The following CTNNA2 variants were observed in gnomAD, a reference collection of about 807,000 sequenced individuals.
CTNNA2 encodes the protein catenin alpha 2.
A neutral mutation model predicts 101.0 loss-of-function variants in CTNNA2; 42 were observed. That is an observed-to-expected ratio of 0.42 (90% CI 0.32 to 0.54). CTNNA2 has a LOEUF of 0.54. CTNNA2 is among the 20% of genes least tolerant of loss of function. The pLI, the probability that CTNNA2 is intolerant of heterozygous loss-of-function variation, is 0.14. For synonymous variants in CTNNA2, 450 were observed against 456.4 expected (o/e 0.99, Z 0.18); for missense variants, 871 against 1,223.1 (o/e 0.71, Z 4.29).
intron 8 of CTNNA2, among the ~76,000 whole-genome samples, chr2:80,413,645 A>G (rs948726551): frequency 6.6e-6 from 1 of 152,212 alleles, no homozygotes; most frequent in Non-Finnish European, 1.5e-5. Flanking sequence ...GCCAGACTTA[A>G]TGAAGCTCAC....
chr2:79,902,872 G>T (rs764321288), intron 6 of CTNNA2, among the ~76,000 whole-genome samples: 6 of 152,086 alleles, frequency 3.9e-5, no homozygotes, highest in Non-Finnish European at 8.8e-5. Flanking sequence ...TGATCTGCCT[G>T]CCTCAGCCTC....
intron 2 of CTNNA2, among the ~76,000 whole-genome samples, chr2:79,251,013 A>G (rs140533178): frequency 4.3e-4 from 65 of 152,304 alleles, no homozygotes; most frequent in African/African-American, 1.5e-3. Flanking sequence ...AGATCAAAGT[A>G]CTATGTCTCC....
chr2:79,822,409 C>A (rs998546711), intron 3 of CTNNA2, among the ~76,000 whole-genome samples: 1 of 152,080 alleles, frequency 6.6e-6, no homozygotes, highest in Non-Finnish European at 1.5e-5. Context: ...TTTCTGTAAA[C>A]AAATATGAAT....
chr2:79,215,097 G>T (rs1674233052), intron 2 of CTNNA2, among the ~76,000 whole-genome samples: 1 of 152,110 alleles, frequency 6.6e-6, no homozygotes, highest in Admixed American at 6.6e-5. Flanking sequence ...AAGCTGAGAA[G>T]ATCTGGGAAG....
intron 11 of CTNNA2, among the ~76,000 whole-genome samples, chr2:80,552,131 A>G (rs1395877248): frequency 6.6e-6 from 1 of 152,210 alleles, no homozygotes; most frequent in African/African-American, 2.4e-5. Context: ...ATGGTTCCTG[A>G]TGCCCCAAAA....
intron 9 of CTNNA2, among the ~76,000 whole-genome samples, chr2:80,440,897 T>C (rs150339229): frequency 1.6e-4 from 25 of 152,294 alleles, no homozygotes; most frequent in African/African-American, 5.1e-4. Flanking sequence ...TTAATTTTTC[T>C]TCATAACTTT....
At chr2:79,660,835 A>G (rs1457908227) in intron 2 of CTNNA2, among the ~76,000 whole-genome samples, 2 of 152,172 alleles carry the variant, frequency 1.3e-5, no homozygotes, top group Non-Finnish European at 2.9e-5. Flanking sequence ...TAAAATAAGG[A>G]AAAAAGGGAA....
At chr2:79,920,225 C>G (rs1326938453) in intron 7 of CTNNA2, among the ~76,000 whole-genome samples, 14 of 152,074 alleles carry the variant, frequency 9.2e-5, no homozygotes, top group Admixed American at 9.2e-4. Context: ...CTCAAAAAAA[C>G]AAAAACAAAA....
chr2:80,243,340 G>T (rs1050725407), intron 7 of CTNNA2, among the ~76,000 whole-genome samples: 3 of 151,836 alleles, frequency 2.0e-5, no homozygotes, highest in Non-Finnish European at 4.4e-5. Context: ...TTTATTTGAT[G>T]GTTTCCACGA....
intron 3 of CTNNA2, among the ~76,000 whole-genome samples, chr2:79,752,776 G>A (rs895375670): frequency 6.6e-6 from 1 of 152,116 alleles, no homozygotes; most frequent in East Asian, 1.9e-4. Context: ...GACATTAAAG[G>A]CAAGCACAAA....
At chr2:80,358,949 T>C (rs1216108538) in intron 7 of CTNNA2, among the ~76,000 whole-genome samples, 3 of 152,142 alleles carry the variant, frequency 2.0e-5, no homozygotes, top group Non-Finnish European at 4.4e-5. Context: ...CTTTTTGCAT[T>C]GGGGTTTCCA....
intron 7 of CTNNA2, among the ~76,000 whole-genome samples, chr2:80,374,069 A>G (rs1477049930): frequency 6.6e-6 from 1 of 151,998 alleles, no homozygotes; most frequent in Non-Finnish European, 1.5e-5. Flanking sequence ...TAAAAAAAAA[A>G]AAGATTTCAA....
chr2:80,158,414 G>T (rs1157614694), intron 7 of CTNNA2, among the ~76,000 whole-genome samples: 2 of 152,154 alleles, frequency 1.3e-5, no homozygotes, highest in Non-Finnish European at 2.9e-5. Context: ...TCGCACAATG[G>T]TATCATCTTG....
At chr2:80,075,700 G>A (rs1478625006) in intron 7 of CTNNA2, among the ~76,000 whole-genome samples, 2 of 78,604 alleles carry the variant, frequency 2.5e-5, no homozygotes, top group Admixed American at 1.5e-4. Context: ...ATTTATACTT[G>A]TATAAATATT....
intron 2 of CTNNA2, among the ~76,000 whole-genome samples, chr2:79,741,382 A>C (rs567661619): frequency 6.6e-5 from 10 of 152,198 alleles, no homozygotes; most frequent in East Asian, 1.9e-4. Context: ...AAGAGAACTG[A>C]TCCGAGTGAG....
At chr2:79,754,504 T>C (rs765394248) in intron 3 of CTNNA2, among the ~76,000 whole-genome samples, 3 of 152,110 alleles carry the variant, frequency 2.0e-5, no homozygotes, top group Non-Finnish European at 4.4e-5. Flanking sequence ...ATTTGCCCTA[T>C]AAATACATAA....
At chr2:79,898,726 A>G (rs1030292256) in intron 6 of CTNNA2, among the ~76,000 whole-genome samples, 1 of 152,178 alleles carries the variant, frequency 6.6e-6, no homozygotes, top group Admixed American at 6.5e-5. Flanking sequence ...GAAAATGAGA[A>G]GTACTTTCTC....
At chr2:80,264,813 T>G (rs1389195803) in intron 7 of CTNNA2, among the ~76,000 whole-genome samples, 1 of 152,112 alleles carries the variant, frequency 6.6e-6, no homozygotes, top group Non-Finnish European at 1.5e-5. Context: ...CAGCAAATAT[T>G]TCTTCTTATG....
intron 7 of CTNNA2, among the ~76,000 whole-genome samples, chr2:80,070,689 C>T (rs1037574834): frequency 1.7e-4 from 26 of 150,426 alleles, no homozygotes; most frequent in African/African-American, 5.9e-4. Context: ...TGCACTGCAG[C>T]CTCGGCAAAC....
Sources: allele counts gnomAD v4.1 joint callset (sites outside exome capture counted in the v4.1 genomes callset), GRCh38; gene constraint gnomAD v4.1.1; transcripts MANE v1.5; gene names NCBI Gene and HGNC (gene_info 2026-07-23, HGNC 2026-07-21).